CRYBG3: variants seen among roughly 807,000 people sequenced by gnomAD.
CRYBG3 encodes very large A-kinase anchor protein.
Under a neutral mutation model 244.2 loss-of-function variants are expected in CRYBG3, and 127 were observed. That is an observed-to-expected ratio of 0.52 (90% CI 0.45 to 0.60). The LOEUF is 0.60. CRYBG3 is among the 20% of genes least tolerant of loss of function. CRYBG3 has a pLI of 0.00. For synonymous variants in CRYBG3, 1,132 were observed against 1,195.8 expected (o/e 0.95, Z 1.10); for missense variants, 3,325 against 3,442.5 (o/e 0.97, Z 0.85).
intron 2 of CRYBG3, among the ~76,000 whole-genome samples, chr3:97,850,734 A>C (rs1254466633): frequency 6.6e-6 from 1 of 152,202 alleles, no homozygotes; most frequent in East Asian, 1.9e-4. Context: ...ATCTTTACAA[A>C]TTTAGTTGTA....
intron 2 of CRYBG3, among the ~76,000 whole-genome samples, chr3:97,857,608 T>C (rs1351328391): frequency 6.6e-6 from 1 of 152,080 alleles, no homozygotes; most frequent in East Asian, 1.9e-4. Context: ...TATAATGGCC[T>C]TCTTTGTCTC....
At chr3:97,863,093 A>G (rs1367774840) in intron 2 of CRYBG3, among the ~76,000 whole-genome samples, 1 of 152,290 alleles carries the variant, frequency 6.6e-6, no homozygotes, top group Admixed American at 6.5e-5. Context: ...TCAGATTCTT[A>G]TAAAACATTG....
At chr3:97,824,548 A>C (rs1374012806) in intron 1 of CRYBG3, among the ~76,000 whole-genome samples, 1 of 152,148 alleles carries the variant, frequency 6.6e-6, no homozygotes, top group Non-Finnish European at 1.5e-5. Flanking sequence ...AGGTCTTCCA[A>C]TATTTTACTG....
In CRYBG3 at chr3:97,874,839, A is replaced by G. The variant is rs1414308016; in HGVS notation, c.3645A>G (p.Leu1215=). The change falls in exon 4 of 22, where the codon CTA becomes CTG. Residue 1215 remains leucine (L), a synonymous_variant. Coordinates refer to ENST00000389622, the MANE Select transcript of CRYBG3 (RefSeq NM_153605.4). ...GEIFNSVREE[L]KFKHTVSTCQ... ...TTTTTAATTCTGTCAGGGAAGAACT[A>G]AAATTCAAACACACAGTGAGTACCT... is the stretch of plus-strand genomic sequence containing the variant. 11 of 1,535,860 alleles carry G rather than the reference A, an allele frequency of 7.2e-6. No individual in the cohort carries two copies. The highest frequency in any genetic ancestry group is 9.6e-6 in the Non-Finnish European group (11 of 1,146,846).
At chr3:97,868,858 G>T (rs1422302888) in intron 3 of CRYBG3, among the ~76,000 whole-genome samples, 1 of 152,048 alleles carries the variant, frequency 6.6e-6, no homozygotes, top group Non-Finnish European at 1.5e-5. Context: ...TACTATACTA[G>T]AATGAATTTC....
intron 15 of CRYBG3, among the ~76,000 whole-genome samples, chr3:97,902,540 T>C (rs1398019266): frequency 3.3e-5 from 5 of 151,880 alleles, no homozygotes; most frequent in Non-Finnish European, 4.4e-5. Flanking sequence ...AGGTTTGTTT[T>C]ATAGGTATAC....
Position 97,874,604 on chromosome 3 carries a change from C to T in CRYBG3, c.3410C>T (p.Ser1137Phe). 6.5e-7 allele frequency: 1 copy of T among 1,535,990 alleles called. No individual in the cohort carries two copies. Among genetic ancestry groups the T allele is most frequent in the Non-Finnish European group, 8.7e-7 (1 of 1,146,832 alleles). The change falls in exon 4 of 22, where the codon TCC becomes TTC. Residue 1137 changes from serine (S) to phenylalanine (F), a missense_variant. Ser to Phe is a radical substitution (Grantham distance 155, BLOSUM62 -2). Transcript: ENST00000389622. ...EHFGIYTGKI[S>F]IDFPTAAQFD... is the part of the protein sequence containing the mutation. The stretch of plus-strand genomic sequence containing the variant: ...TTTGGGATTTATACTGGGAAGATAT[C>T]CATTGATTTCCCAACTGCTGCCCAA...
At chr3:97,897,214 T>C (rs1269407225) in intron 12 of CRYBG3, among the ~76,000 whole-genome samples, 6 of 152,046 alleles carry the variant, frequency 3.9e-5, no homozygotes, top group Non-Finnish European at 7.4e-5. Context: ...TTATCCTAAA[T>C]TAATGGATAC....
intron 2 of CRYBG3, among the ~76,000 whole-genome samples, chr3:97,847,263 C>T (rs2038917538): frequency 6.6e-6 from 1 of 152,176 alleles, no homozygotes; most frequent in Non-Finnish European, 1.5e-5. Context: ...CTCTTCCTGT[C>T]TTTGTACTTA....
chr3:97,933,374 G>C (rs568527966), intron 17 of CRYBG3: 1 of 382,180 alleles, frequency 2.6e-6, no homozygotes, highest in East Asian at 6.6e-5. Flanking sequence ...GCATTGGCAG[G>C]ACTAATTATG....
chr3:97,860,550 T>C (rs1308510188), intron 2 of CRYBG3, among the ~76,000 whole-genome samples: 8 of 152,066 alleles, frequency 5.3e-5, no homozygotes, highest in African/African-American at 1.4e-4. Context: ...ATCTGGGGGA[T>C]GAATATTGTA....
At chr3:97,853,185 C>A (rs888625688) in intron 2 of CRYBG3, among the ~76,000 whole-genome samples, 2 of 151,078 alleles carry the variant, frequency 1.3e-5, no homozygotes, top group Non-Finnish European at 2.9e-5. Context: ...CCAAAGTCCC[C>A]AGAGTCCATT....
chr3:97,873,767 C>A lies in CRYBG3; in HGVS notation c.2573C>A (p.Ser858Tyr). 1 of 1,534,336 alleles carries A rather than the reference C, an allele frequency of 6.5e-7. No homozygotes were observed. Among genetic ancestry groups the A allele is most frequent in the Non-Finnish European group, 8.7e-7 (1 of 1,146,420 alleles). The change falls in exon 4 of 22, where the codon TCT (serine) becomes TAT (tyrosine). Residue 858 changes from serine (S) to tyrosine (Y), a missense_variant. By Grantham distance (144) the Ser-to-Tyr change is moderately radical (BLOSUM62 -2). Transcript: ENST00000389622. Reference sequence around the variant, plus strand: ...AACATTTCTCAGGATAAAATGTCTTCTTTTCCATTGAAAATTACCCATGTT... The same window carrying A: ...AACATTTCTCAGGATAAAATGTCTTATTTTCCATTGAAAATTACCCATGTT... ...PRNISQDKMS[S>Y]FPLKITHVPE...
rs1484004427 is a variant in CRYBG3, at chr3:97,877,151, T to C, written c.5957T>C (p.Leu1986Ser). The C allele has an allele frequency of 6.2e-7, 1 of 1,614,002 alleles. No individual in the cohort carries two copies. ...ETDYSDKGYN[L>S]AFVSQDEQEN... ...GATTATAGTGACAAAGGATATAATT[T>C]AGCTTTTGTTTCTCAAGATGAACAA... The change falls in exon 4 of 22, where the codon TTA (leucine) becomes TCA (serine). Residue 1986 changes from leucine (L) to serine (S), a missense_variant. Physicochemically the swap from Leu to Ser is moderately radical, Grantham distance 145. Around this residue, in one of 4 missense-constraint regions of CRYBG3, gnomAD observed 450 missense variants for 424.1 expected, o/e 1.06. Transcript: ENST00000389622.
At chr3:97,839,442 G>C (rs766184531) in intron 1 of CRYBG3, among the ~76,000 whole-genome samples, 1 of 151,870 alleles carries the variant, frequency 6.6e-6, no homozygotes, top group Non-Finnish European at 1.5e-5. Context: ...CCTTGTTCTT[G>C]TTGAGTAATT....
Position 97,904,655 on chromosome 3 carries a change from T to C in CRYBG3, c.8004+4170T>C, listed in dbSNP as rs531424081. On this transcript the variant is annotated intron_variant, in intron 15 of 21. Coordinates refer to ENST00000389622, the MANE Select transcript of CRYBG3 (RefSeq NM_153605.4). Reference sequence around the variant, plus strand: ...CAACCTGTCTCTCTTCTCATGCGGCTTTTCTTTTATTTTTATTTTTTTTAT... The same window carrying C: ...CAACCTGTCTCTCTTCTCATGCGGCCTTTCTTTTATTTTTATTTTTTTTAT... Among the ~76,000 whole-genome samples, 106 of 151,664 alleles carry C rather than the reference T, an allele frequency of 7.0e-4. 1 individual carries two copies. Among genetic ancestry groups the C allele is most frequent in the African/African-American group, 2.5e-3 (103 of 41,524 alleles).
chr3:97,877,120 GAGAC>G lies in CRYBG3; in HGVS notation c.5930_5933del (p.Thr1977IlefsTer9), dbSNP rs2039385735. 2 of 1,613,734 alleles carry G rather than the reference GAGAC, an allele frequency of 1.2e-6. No homozygotes were observed. Among genetic ancestry groups the G allele is most frequent in the African/African-American group, 1.3e-5 (1 of 74,916 alleles). On this transcript the variant is annotated frameshift_variant, in exon 4 of 22. Transcript: ENST00000389622. LOFTEE classifies it high-confidence loss of function. ...TACTGCAATATATGACAAGAGGAGA[GAGAC>G]AGATTATAGTGACAAAGGATATAAT...
At chr3:97,823,696 C>T (rs1029925927) in intron 1 of CRYBG3, among the ~76,000 whole-genome samples, 5 of 152,176 alleles carry the variant, frequency 3.3e-5, no homozygotes, top group African/African-American at 7.2e-5. Flanking sequence ...CTGCCACCGC[C>T]GTAACAGCAC....
chr3:97,875,343 A>G lies in CRYBG3; in HGVS notation c.4149A>G (p.Leu1383=). Residue 1383 remains leucine (L), a synonymous_variant, in exon 4 of 22, where the codon CTA becomes CTG. Transcript: ENST00000389622. The part of the protein sequence containing the change: ...ENKVLNEFFS[L]SNLASGTESI... ...AAGTATTAAATGAATTCTTCTCCCT[A>G]AGTAACTTAGCTAGTGGCACAGAGT... 7.0e-7 allele frequency: 1 copy of G among 1,429,676 alleles called. No individual in the cohort carries two copies. Among genetic ancestry groups the G allele is most frequent in the Admixed American group, 3.1e-5 (1 of 32,350 alleles). The allele number at this position is 1,429,676 out of a possible 1,614,324, so 88.6% of individuals were successfully genotyped here. A position where few individuals can be genotyped will look rare whatever the true frequency, so the allele number is the denominator to read the frequency against.
Sources: gnomAD v4.1 joint callset for allele counts (sites outside exome capture counted in the v4.1 genomes callset) on GRCh38, gnomAD v4.1.1 for gene constraint, gnomAD v4.1.1 regional missense constraint, MANE v1.5 for transcripts, NCBI Gene and HGNC (gene_info 2026-07-23, HGNC 2026-07-21) for gene names.